ATXN10: variants seen among roughly 807,000 people sequenced by gnomAD.
ATXN10 encodes the protein ataxin-10.
A neutral mutation model predicts 52.9 loss-of-function variants in ATXN10; 28 were observed. That is an observed-to-expected ratio of 0.53 (90% CI 0.39 to 0.73). ATXN10 has a LOEUF of 0.73. ATXN10 is among the 30% of genes least tolerant of loss of function. The pLI, the probability that ATXN10 is intolerant of heterozygous loss-of-function variation, is 0.00. For missense variants in ATXN10, 565 were observed against 577.0 expected (o/e 0.98, Z 0.21); for synonymous variants, 226 against 221.5 (o/e 1.02, Z -0.18).
At chr22:45,827,701 C>T (rs1311976714) in intron 10 of ATXN10, among the ~76,000 whole-genome samples, 3 of 151,882 alleles carry the variant, frequency 2.0e-5, no homozygotes, top group Non-Finnish European at 4.4e-5. Flanking sequence ...ACTTCATTAC[C>T]CTACTCTCAA....
intron 9 of ATXN10, among the ~76,000 whole-genome samples, chr22:45,752,278 C>T (rs533084657): frequency 1.5e-4 from 23 of 152,166 alleles, no homozygotes; most frequent in African/African-American, 5.5e-4. Context: ...GAGGAATTCA[C>T]AGTGTAAAGA....
At chr22:45,689,645 T>A in intron 1 of ATXN10, 67 bp from the exon 2 acceptor site, 1 of 1,477,712 alleles carries the variant, frequency 6.8e-7, no homozygotes, top group Non-Finnish European at 9.4e-7. Flanking sequence ...AAAGCAGTTT[T>A]CTGAATAGGA....
At chr22:45,758,029 A>G (rs1926237710) in intron 9 of ATXN10, among the ~76,000 whole-genome samples, 1 of 152,276 alleles carries the variant, frequency 6.6e-6, no homozygotes, top group South Asian at 2.1e-4. Context: ...TATATGGCAG[A>G]GACGGATGCA....
intron 2 of ATXN10, among the ~76,000 whole-genome samples, chr22:45,692,337 T>C (rs1166118880): frequency 6.6e-6 from 1 of 152,232 alleles, no homozygotes; most frequent in African/African-American, 2.4e-5. Context: ...ATCTTTTTAT[T>C]GCATGCAACT....
At chr22:45,767,348 A>G (rs1163409575) in intron 9 of ATXN10, among the ~76,000 whole-genome samples, 1 of 152,066 alleles carries the variant, frequency 6.6e-6, no homozygotes, top group Non-Finnish European at 1.5e-5. Context: ...TTTATAGTAT[A>G]CTATATCTTT....
At chr22:45,758,704 C>T (rs776554186) in intron 9 of ATXN10, among the ~76,000 whole-genome samples, 9 of 152,230 alleles carry the variant, frequency 5.9e-5, no homozygotes, top group African/African-American at 7.2e-5. Flanking sequence ...ATAGCCACTG[C>T]GGAGCGCCAG....
In ATXN10 at chr22:45,730,319, G is replaced by A. The variant is rs143804250; in HGVS notation, c.894+729G>A. Among the ~76,000 whole-genome samples, 710 of 150,208 alleles carry A rather than the reference G, an allele frequency of 4.7e-3. 5 individuals carry two copies. Among genetic ancestry groups the A allele is most frequent in the Middle Eastern group, 0.014 (4 of 290 alleles). Reference sequence around the variant, plus strand: ...TGATTGCCCCACTGCCCTCCAGCTCGGGTGATGCAGTGAGACCCTTGTCTC... The same window carrying A: ...TGATTGCCCCACTGCCCTCCAGCTCAGGTGATGCAGTGAGACCCTTGTCTC... On this transcript the variant is annotated intron_variant, in intron 7 of 11. Coordinates refer to ENST00000252934, the MANE Select transcript of ATXN10 (RefSeq NM_013236.4).
rs1402485556 is a variant in ATXN10 at position 45,738,711 on chromosome 22, A to G, written c.895-20A>G. On this transcript the variant is annotated intron_variant, in intron 7 of 11. Transcript: ENST00000252934. ...TTCTCTTAAAATATGCTAAAAAGTT[A>G]TGTTTTCTTTTCTTTCTAGGAGGCA... The G allele has an allele frequency of 1.3e-6, 2 of 1,586,652 alleles. No individual in the cohort carries two copies. The highest frequency in any genetic ancestry group is 1.3e-5 in the African/African-American group (1 of 74,400).
rs779834224 is a variant in ATXN10 at position 45,740,557 on chromosome 22, A to G, written c.1173+19A>G. On this transcript the variant is annotated intron_variant, in intron 9 of 11. Coordinates refer to ENST00000252934, the MANE Select transcript of ATXN10 (RefSeq NM_013236.4). ...AGACAAGGTAAGAGGATTTCTTAGT[A>G]TGTATTATACATGTATGGCTTCATT... 1.9e-6 allele frequency: 3 copies of G among 1,609,192 alleles called. No homozygotes were observed. The highest frequency in any genetic ancestry group is 1.3e-5 in the African/African-American group (1 of 74,752).
chr22:45,734,325 T>C (rs1925203559), intron 7 of ATXN10: 1 of 200,380 alleles, frequency 5.0e-6, no homozygotes. Flanking sequence ...ACCATTATGT[T>C]TGTTTTTGCA....
intron 1 of ATXN10, chr22:45,673,607 C>G (rs1034201775): frequency 6.6e-6 from 1 of 152,118 alleles, no homozygotes; most frequent in Non-Finnish European, 1.5e-5. Context: ...TTGTTGGGGT[C>G]TGAGGGTACA....
chr22:45,679,003 C>T (rs1922809789), intron 1 of ATXN10: 1 of 152,046 alleles, frequency 6.6e-6, no homozygotes, highest in Admixed American at 6.6e-5. Context: ...GCCTTCATTC[C>T]TTTGCTTATA....
In ATXN10 at chr22:45,689,541, G is replaced by A. The variant is rs375552685; in HGVS notation, c.117-171G>A. 2.0e-5 allele frequency: 13 copies of A among 637,534 alleles called. No individual in the cohort carries two copies. In the African/African-American group the frequency reaches 2.4e-4, roughly 12 times the overall value. 39.5% of individuals were successfully genotyped at this position (637,534 alleles called of 1,614,324 possible). ...TGACAAGAACAGTGTCTGGTGCATAGTAAGTGCTCAATATGTGTAGATCTT... is the reference window on the plus strand; with the variant it reads ...TGACAAGAACAGTGTCTGGTGCATAATAAGTGCTCAATATGTGTAGATCTT... On this transcript the variant is annotated intron_variant, in intron 1 of 11. Coordinates refer to ENST00000252934, the MANE Select transcript of ATXN10 (RefSeq NM_013236.4).
Position 45,762,454 on chromosome 22 carries a change from T to G in ATXN10, c.1173+21916T>G, listed in dbSNP as rs765902406. Among the ~76,000 whole-genome samples the G allele has an allele frequency of 1.1e-4, 16 of 152,216 alleles. No homozygotes were observed. Among genetic ancestry groups the G allele is most frequent in the Non-Finnish European group, 2.2e-4 (15 of 68,040 alleles). On this transcript the variant is annotated intron_variant, in intron 9 of 11. Transcript: ENST00000252934. This position sits in a 1 kb window ranked among gnomAD's most constrained non-coding sequence, Gnocchi z 4.3. ...GCAGGATTCTTTCCACGGTGCATGT[T>G]CTGGCTGAGTGTTGGTGGGCTCCAC...
At chr22:45,723,459 T>C (rs1047758595) in intron 6 of ATXN10, among the ~76,000 whole-genome samples, 3 of 151,732 alleles carry the variant, frequency 2.0e-5, no homozygotes, top group African/African-American at 7.3e-5. Flanking sequence ...GTCGGCGATT[T>C]TAGTGCACCT....
At chr22:45,730,023 A>G (rs1233648101) in intron 7 of ATXN10, among the ~76,000 whole-genome samples, 7 of 152,182 alleles carry the variant, frequency 4.6e-5, no homozygotes, top group Admixed American at 6.6e-5. Flanking sequence ...ATAAATAAAT[A>G]ATACATTGTA....
chr22:45,776,898 C>T (rs898116300), intron 9 of ATXN10, among the ~76,000 whole-genome samples: 1 of 152,050 alleles, frequency 6.6e-6, no homozygotes, highest in Non-Finnish European at 1.5e-5. Context: ...AGGATCTGTA[C>T]CGTTTTCAGC....
rs1033827519 is a variant in ATXN10 at position 45,708,069 on chromosome 22, T to C, written c.647+5222T>C. Among the ~76,000 whole-genome samples, 5 of 152,262 alleles carry C rather than the reference T, an allele frequency of 3.3e-5. No individual in the cohort carries two copies. Among genetic ancestry groups the C allele is most frequent in the Non-Finnish European group, 7.3e-5 (5 of 68,046 alleles). ...TGTGATTCCAATAACTTTGGGTTTT[T>C]TTATTTGAGTATACTAGAGACACAG... is the stretch of plus-strand genomic sequence containing the variant. On this transcript the variant is annotated intron_variant, in intron 5 of 11. Transcript: ENST00000252934. This position sits in a 1 kb window ranked among gnomAD's most constrained non-coding sequence, Gnocchi z 5.3.
In ATXN10 at chr22:45,690,345, T is replaced by C. The variant is rs1923322847; in HGVS notation, c.308+442T>C. Among the ~76,000 whole-genome samples, 1 of 152,142 alleles carries C rather than the reference T, an allele frequency of 6.6e-6. No homozygotes were observed. The highest frequency in any genetic ancestry group is 2.4e-5 in the African/African-American group (1 of 41,430). On this transcript the variant is annotated intron_variant, in intron 2 of 11. Transcript: ENST00000252934. The surrounding 1 kb of genome is among the most constrained non-coding windows in gnomAD (Gnocchi z 4.5). ...CCCACTGTTATTGCAGGATTGCCCT[T>C]TACATCTGCTGGGAGAGGCCCTCTA...
Sources: gnomAD v4.1 joint callset for allele counts (sites outside exome capture counted in the v4.1 genomes callset) on GRCh38, gnomAD v4.1.1 for gene constraint, Gnocchi (gnomAD v3.1) non-coding constraint, MANE v1.5 for transcripts, NCBI Gene and HGNC (gene_info 2026-07-23, HGNC 2026-07-21) for gene names.